The following CFAP20DC variants were observed in gnomAD, a reference collection of about 807,000 sequenced individuals.
CFAP20DC encodes the protein CFAP20 domain containing.
In CFAP20DC, 84 loss-of-function variants were observed where a neutral mutation model predicts 101.7. That is an observed-to-expected ratio of 0.83 (90% CI 0.69 to 0.99). The LOEUF (loss-of-function observed/expected upper bound fraction) is 0.99. Among genes scored for constraint, CFAP20DC ranks in the 50% least tolerant of loss-of-function variants. The pLI, the probability that CFAP20DC is intolerant of heterozygous loss-of-function variation, is 0.00. For synonymous variants in CFAP20DC, 359 were observed against 351.2 expected, an observed-to-expected ratio of 1.02 and a Z score of -0.25; for missense variants, 1,007 against 970.3, an observed-to-expected ratio of 1.04 and a Z score of -0.50.
chr3:58,974,234 A>C (rs931699251), intron 4 of CFAP20DC, among the ~76,000 whole-genome samples: 1 of 152,062 alleles, frequency 6.6e-6, no homozygotes, highest in African/African-American at 2.4e-5. Context: ...CCTAACATGT[A>C]GTTTTTCAAC....
At position 58,912,680 on chromosome 3, in the gene CFAP20DC, G is replaced by GT. The variant is rs1399152908; in HGVS notation, c.550+1027dup. On this transcript the variant is annotated intron_variant, in intron 6 of 16. Transcript: ENST00000482387. The surrounding 1 kb of genome is among the most constrained non-coding windows in gnomAD (Gnocchi z 4.4). ...CATCAGTATTCTTTCAATACTTTTG[G>GT]TTGTTTAAAACCATCTGAGCAGTAT... The GT allele has an allele frequency of 4.5e-6, 2 of 448,156 alleles. No homozygotes were observed. Among genetic ancestry groups the GT allele is most frequent in the African/African-American group, 4.0e-5 (2 of 49,504 alleles). The allele number at this position is 448,156 out of a possible 1,614,324, so 27.8% of individuals were successfully genotyped here. A position where few individuals can be genotyped will look rare whatever the true frequency, so the allele number is the denominator to read the frequency against.
At chr3:59,016,992 G>A (rs548809902) in intron 4 of CFAP20DC, among the ~76,000 whole-genome samples, 14 of 152,152 alleles carry the variant, frequency 9.2e-5, no homozygotes, top group African/African-American at 3.4e-4. Flanking sequence ...ACAAACCAAT[G>A]TTTCCTATTT....
At chr3:59,020,912 G>A (rs2093791258) in intron 4 of CFAP20DC, among the ~76,000 whole-genome samples, 1 of 152,086 alleles carries the variant, frequency 6.6e-6, no homozygotes, top group South Asian at 2.1e-4. Context: ...CAGGTAATGT[G>A]AGACAGCTAT....
At chr3:58,741,142 T>C (rs2067872071), downstream of CFAP20DC, among the ~76,000 whole-genome samples, 1 of 152,214 alleles carries the variant, frequency 6.6e-6, no homozygotes, top group Non-Finnish European at 1.5e-5. Context: ...TGTACACCAA[T>C]AAATTTTCAT....
intron 1 of CFAP20DC, among the ~76,000 whole-genome samples, chr3:59,048,926 C>T (rs1023142862): frequency 6.6e-6 from 1 of 152,086 alleles, no homozygotes; most frequent in African/African-American, 2.4e-5. Flanking sequence ...TGACTGAGGA[C>T]GACCCAGAAG....
At chr3:58,987,785 T>A (rs1054336496) in intron 4 of CFAP20DC, among the ~76,000 whole-genome samples, 2 of 151,686 alleles carry the variant, frequency 1.3e-5, no homozygotes, top group Admixed American at 1.3e-4. Context: ...GAGAAAAAAA[T>A]AGAAAACTTA....
intron 4 of CFAP20DC, among the ~76,000 whole-genome samples, chr3:58,965,312 G>C (rs995355643): frequency 1.3e-5 from 2 of 152,132 alleles, no homozygotes; most frequent in Non-Finnish European, 2.9e-5. Flanking sequence ...CATAGGTGAA[G>C]TAATCTAAAA....
In CFAP20DC at chr3:58,724,762, C is replaced by G. The variant is rs138316130; in HGVS notation, c.198-7134G>C. On this transcript the variant is annotated intron_variant, in intron 3 of 3. Transcript: ENST00000486145. The surrounding 1 kb of genome is among the most constrained non-coding windows in gnomAD (Gnocchi z 5.6). ...GCTCCCACCTTTATGAACTCTTAAC[C>G]TGTCTCTTCTCAATCCTTTGTCGCC... Among the ~76,000 whole-genome samples the G allele has an allele frequency of 2.0e-5, 3 of 152,262 alleles. No individual in the cohort carries two copies. In the East Asian group the frequency reaches 5.8e-4, roughly 29 times the overall value.
At chr3:58,816,239 T>C (rs913532413) in intron 14 of CFAP20DC, among the ~76,000 whole-genome samples, 6 of 152,114 alleles carry the variant, frequency 3.9e-5, no homozygotes, top group African/African-American at 1.2e-4. Flanking sequence ...AAATCATCAT[T>C]CTCAGTAAAC....
intron 14 of CFAP20DC, among the ~76,000 whole-genome samples, chr3:58,809,482 T>C (rs1346228644): frequency 1.3e-5 from 2 of 151,898 alleles, no homozygotes; most frequent in East Asian, 3.9e-4. Flanking sequence ...AAGGCAGAAA[T>C]AAAGATGTTC....
rs1444695660 is a variant in CFAP20DC, at chr3:58,893,292, T to A, written c.551-8583A>T. Among the ~76,000 whole-genome samples the A allele has an allele frequency of 5.3e-5, 8 of 152,138 alleles. No individual in the cohort carries two copies. In the East Asian group the frequency reaches 1.5e-3, roughly 29 times the overall value. ...ATCTCCTGACCTCGCAATCTGCCTGTCTTGGCCTCCCAAAGTGCTGGGATT... is the reference window on the plus strand; with the variant it reads ...ATCTCCTGACCTCGCAATCTGCCTGACTTGGCCTCCCAAAGTGCTGGGATT... On this transcript the variant is annotated intron_variant, in intron 6 of 16. Coordinates refer to ENST00000482387, the MANE Select transcript of CFAP20DC (RefSeq NM_001394063.1).
chr3:58,918,366 G>C (rs2084964961), intron 5 of CFAP20DC, among the ~76,000 whole-genome samples: 1 of 151,970 alleles, frequency 6.6e-6, no homozygotes, highest in East Asian at 1.9e-4. Context: ...TCACTCCCTG[G>C]TCATTCCTGT....
chr3:58,937,131 C>G (rs1576391137), intron 5 of CFAP20DC, among the ~76,000 whole-genome samples: 1 of 152,112 alleles, frequency 6.6e-6, no homozygotes, highest in Non-Finnish European at 1.5e-5. Context: ...AATGTCTGAA[C>G]CCATATCAGG....
intron 5 of CFAP20DC, among the ~76,000 whole-genome samples, chr3:58,930,963 G>T (rs535498097): frequency 6.6e-6 from 1 of 152,316 alleles, no homozygotes; most frequent in African/African-American, 2.4e-5. Context: ...GAAGCAGGGC[G>T]AGGCATTGCC....
rs1400287743 is a variant in CFAP20DC at position 58,914,724 on chromosome 3, T to G, written c.394-860A>C. 1.3e-5 allele frequency: 2 copies of G among 151,276 alleles called. No individual in the cohort carries two copies. The highest frequency in any genetic ancestry group is 3.9e-4 in the East Asian group (2 of 5,180). The allele number at this position is 151,276 out of a possible 1,614,324, so 9.4% of individuals were successfully genotyped here. A position where few individuals can be genotyped will look rare whatever the true frequency, so the allele number is the denominator to read the frequency against. ...TTCTTTTTTTTAAAGACAAATCTTA[T>G]ATATCTAGGAATGCTGATTTTAATA... is the stretch of plus-strand genomic sequence containing the variant. On this transcript the variant is annotated intron_variant, in intron 5 of 16. Coordinates refer to ENST00000482387, the MANE Select transcript of CFAP20DC (RefSeq NM_001394063.1). The surrounding 1 kb of genome is among the most constrained non-coding windows in gnomAD (Gnocchi z 4.9).
intron 11 of CFAP20DC, among the ~76,000 whole-genome samples, chr3:58,865,220 T>C (rs2079579390): frequency 6.6e-6 from 1 of 152,104 alleles, no homozygotes; most frequent in Admixed American, 6.6e-5. Context: ...ACAATAAAAG[T>C]AACCAAGAGA....
At chr3:58,978,332 C>G (rs1247754452) in intron 4 of CFAP20DC, among the ~76,000 whole-genome samples, 1 of 152,156 alleles carries the variant, frequency 6.6e-6, no homozygotes, top group Admixed American at 6.5e-5. Flanking sequence ...TCTATATTTT[C>G]TCAAGATTGC....
intron 16 of CFAP20DC, among the ~76,000 whole-genome samples, chr3:58,749,813 T>C (rs2068446562): frequency 1.3e-5 from 2 of 152,330 alleles, no homozygotes; most frequent in South Asian, 4.1e-4. Flanking sequence ...TTGAGCAAAG[T>C]ATGGTTCATT....
At chr3:58,977,182 T>C (rs114522995) in intron 4 of CFAP20DC, among the ~76,000 whole-genome samples, 210 of 152,316 alleles carry the variant, frequency 1.4e-3, no homozygotes, top group African/African-American at 4.7e-3. Context: ...TAAGAACCTA[T>C]TGATGACATT....
Sources: gnomAD v4.1 joint callset for allele counts (sites outside exome capture counted in the v4.1 genomes callset) on GRCh38, gnomAD v4.1.1 for gene constraint, Gnocchi (gnomAD v3.1) non-coding constraint, MANE v1.5 for transcripts, NCBI Gene and HGNC (gene_info 2026-07-23, HGNC 2026-07-21) for gene names.